The following CYTH4 variants were observed in gnomAD, a reference collection of about 807,000 sequenced individuals.
The protein encoded by CYTH4 is cytohesin 4, also known as cytohesin-4.
A neutral mutation model predicts 57.5 loss-of-function variants in CYTH4; 22 were observed. The ratio of observed to expected loss-of-function variants is 0.38; its 90% CI spans 0.27 to 0.55. CYTH4 has a LOEUF of 0.55. CYTH4 is among the 20% of genes least tolerant of loss of function. CYTH4 has a pLI of 0.74. For synonymous variants in CYTH4, 186 were observed against 206.5 expected (o/e 0.90, Z 0.85); for missense variants, 420 against 535.6 (o/e 0.78, Z 2.13).
At chr22:37,303,194 C>A in intron 7 of CYTH4, 60 bp from the exon 8 acceptor site, 1 of 1,602,014 alleles carries the variant, frequency 6.2e-7, no homozygotes, top group Non-Finnish European at 8.5e-7. Flanking sequence ...CTGGAAGGGG[C>A]CGGGACAGAG....
intron 1 of CYTH4, among the ~76,000 whole-genome samples, chr22:37,288,845 G>A (rs968204725): frequency 2.6e-5 from 4 of 152,200 alleles, no homozygotes; most frequent in South Asian, 2.1e-4. Flanking sequence ...AGCACCTTCC[G>A]ATGAAATGCT....
At chr22:37,286,337 G>A (rs981578484) in intron 1 of CYTH4, among the ~76,000 whole-genome samples, 7 of 152,134 alleles carry the variant, frequency 4.6e-5, no homozygotes, top group Non-Finnish European at 7.3e-5. Flanking sequence ...GACACTTCAC[G>A]TCTCTGAGTC....
intron 12 of CYTH4, among the ~76,000 whole-genome samples, chr22:37,312,888 C>T (rs762693971): frequency 1.3e-5 from 2 of 152,254 alleles, no homozygotes; most frequent in Non-Finnish European, 2.9e-5. Context: ...AAGGGTGAGG[C>T]CTGGTGGCCA....
At chr22:37,284,588 C>T (rs867783846) in intron 1 of CYTH4, among the ~76,000 whole-genome samples, 2 of 152,178 alleles carry the variant, frequency 1.3e-5, no homozygotes, top group Admixed American at 6.5e-5. Context: ...GTCATCTCTA[C>T]GTGGGTGCCA....
chr22:37,284,292 A>C (rs1365389174), intron 1 of CYTH4, among the ~76,000 whole-genome samples: 1 of 152,214 alleles, frequency 6.6e-6, no homozygotes, highest in African/African-American at 2.4e-5. Context: ...GCAGTGACCC[A>C]GCCATGGGCC....
At chr22:37,308,100 G>A (rs1179600259) in intron 8 of CYTH4, among the ~76,000 whole-genome samples, 1 of 152,210 alleles carries the variant, frequency 6.6e-6, no homozygotes, top group Non-Finnish European at 1.5e-5. Context: ...GGGCTTTTGA[G>A]AGCCACAGCC....
At chr22:37,293,408 C>T (rs987333942) in intron 2 of CYTH4, among the ~76,000 whole-genome samples, 3 of 152,244 alleles carry the variant, frequency 2.0e-5, no homozygotes, top group Non-Finnish European at 4.4e-5. Context: ...TGATCCCAGC[C>T]CCACCAGACT....
chr22:37,313,578 C>T lies in CYTH4; in HGVS notation c.*67C>T. The T allele has an allele frequency of 7.2e-7, 1 of 1,385,884 alleles. No individual in the cohort carries two copies. Among genetic ancestry groups the T allele is most frequent in the Non-Finnish European group, 1.0e-6 (1 of 973,650 alleles). The allele number at this position is 1,385,884 out of a possible 1,614,324, so 85.8% of individuals were successfully genotyped here. On this transcript the variant is annotated 3_prime_UTR_variant, in exon 13 of 13. Coordinates refer to ENST00000248901, the MANE Select transcript of CYTH4 (RefSeq NM_013385.5). The stretch of plus-strand genomic sequence containing the variant: ...CCCATCGCCTGCAGCACCTGGAGAC[C>T]CACCTCCCACCCCAGTGCACTCTTT...
At chr22:37,302,662 C>A (rs1280098763) in intron 7 of CYTH4, among the ~76,000 whole-genome samples, 1 of 152,134 alleles carries the variant, frequency 6.6e-6, no homozygotes, top group African/African-American at 2.4e-5. Flanking sequence ...GCTGAACTTC[C>A]CTGGCTCTGG....
intron 2 of CYTH4, among the ~76,000 whole-genome samples, chr22:37,293,472 A>C (rs1601699855): frequency 6.6e-6 from 1 of 152,238 alleles, no homozygotes; most frequent in Non-Finnish European, 1.5e-5. Flanking sequence ...CTGCATCCCC[A>C]GCCCGCTGGG....
At chr22:37,301,165 C>A (rs781656547) in intron 7 of CYTH4, 146 bp downstream of exon 7, 52 of 654,066 alleles carry the variant, frequency 8.0e-5, no homozygotes, top group Non-Finnish European at 1.2e-4. Context: ...GCACTGACTT[C>A]ATTGCTGCTG....
intron 1 of CYTH4, among the ~76,000 whole-genome samples, chr22:37,286,454 C>A (rs565291634): frequency 6.6e-6 from 1 of 152,102 alleles, no homozygotes; most frequent in East Asian, 1.9e-4. Flanking sequence ...CAGGGCCTGG[C>A]GCACCATGGG....
Position 37,295,781 on chromosome 22 carries a change from C to T in CYTH4, c.168-218C>T, listed in dbSNP as rs1371939740. On this transcript the variant is annotated intron_variant, in intron 3 of 12. Transcript: ENST00000248901. The surrounding 1 kb of genome is among the most constrained non-coding windows in gnomAD (Gnocchi z 4.1). ...GGGTTCCTGCAAGCTGCTAAATGCC[C>T]GTGCTGGGCCCATCAGAGAAGTCAG... is the stretch of plus-strand genomic sequence containing the variant. Among the ~76,000 whole-genome samples the T allele has an allele frequency of 1.3e-5, 2 of 152,220 alleles. No individual in the cohort carries two copies. Among genetic ancestry groups the T allele is most frequent in the Non-Finnish European group, 2.9e-5 (2 of 68,040 alleles).
Position 37,314,078 on chromosome 22 carries a change from G to C in CYTH4, c.*567G>C, listed in dbSNP as rs989617272. 1.5e-5 allele frequency: 5 copies of C among 335,198 alleles called. No individual in the cohort carries two copies. The highest frequency in any genetic ancestry group is 8.4e-5 in the African/African-American group (4 of 47,458). 20.8% of individuals were successfully genotyped at this position (335,198 alleles called of 1,614,324 possible). ...CCCGGGACAGAACCCCGGGAGCACT[G>C]CCCTAGGAGCCCGGACCCCACGAGC... is the stretch of plus-strand genomic sequence containing the variant. On this transcript the variant is annotated 3_prime_UTR_variant, in exon 13 of 13. Coordinates refer to ENST00000248901, the MANE Select transcript of CYTH4 (RefSeq NM_013385.5).
chr22:37,288,083 A>G (rs1203536094), intron 1 of CYTH4, among the ~76,000 whole-genome samples: 3 of 152,104 alleles, frequency 2.0e-5, no homozygotes, highest in Non-Finnish European at 4.4e-5. Flanking sequence ...GTTCGAGACC[A>G]GCCTGGCCAA....
At chr22:37,286,712 G>T (rs1928574163) in intron 1 of CYTH4, among the ~76,000 whole-genome samples, 1 of 152,128 alleles carries the variant, frequency 6.6e-6, no homozygotes, top group Non-Finnish European at 1.5e-5. Flanking sequence ...AGAGCTCAGG[G>T]GAGTGAATGA....
At chr22:37,304,892 G>A (rs936984377) in intron 8 of CYTH4, among the ~76,000 whole-genome samples, 3 of 152,132 alleles carry the variant, frequency 2.0e-5, no homozygotes, top group Admixed American at 6.5e-5. Flanking sequence ...TAAATGTTAC[G>A]GGCAGAGCCT....
At chr22:37,308,709 C>CAT (rs1235312535) in intron 8 of CYTH4, among the ~76,000 whole-genome samples, 1 of 141,766 alleles carries the variant, frequency 7.1e-6, no homozygotes, top group Non-Finnish European at 1.5e-5. Context: ...TGTGAGCATG[C>CAT]ATGTGTGTGT....
At position 37,311,893 on chromosome 22, in the gene CYTH4, T is replaced by C; in HGVS notation, c.958-127T>C. 8.2e-7 allele frequency: 1 copy of C among 1,218,536 alleles called. No homozygotes were observed. The highest frequency in any genetic ancestry group is 1.5e-5 in the South Asian group (1 of 66,492). The allele number at this position is 1,218,536 out of a possible 1,614,324, so 75.5% of individuals were successfully genotyped here. On this transcript the variant is annotated intron_variant, in intron 11 of 12. Transcript: ENST00000248901. This position sits in a 1 kb window ranked among gnomAD's most constrained non-coding sequence, Gnocchi z 4.4. ...TGCTCAGTGTGGGAGCAGCAGCTCCTGCCCCTTCGCCTGTCGTAGGGCTGT... is the reference window on the plus strand; with the variant it reads ...TGCTCAGTGTGGGAGCAGCAGCTCCCGCCCCTTCGCCTGTCGTAGGGCTGT...
Sources: allele counts gnomAD v4.1 joint callset (sites outside exome capture counted in the v4.1 genomes callset), GRCh38; gene constraint gnomAD v4.1.1; non-coding constraint Gnocchi (gnomAD v3.1); transcripts MANE v1.5; gene names NCBI Gene and HGNC (gene_info 2026-07-23, HGNC 2026-07-21).